ADAMTS12: variants seen among roughly 807,000 people sequenced by gnomAD.
The protein encoded by ADAMTS12 is ADAM metallopeptidase with thrombospondin type 1 motif 12.
In ADAMTS12, 118 loss-of-function variants were observed where a neutral mutation model predicts 167.8. That is an observed-to-expected ratio of 0.70 (90% confidence interval 0.61 to 0.82). The LOEUF is 0.82. ADAMTS12 is among the 40% of genes least tolerant of loss of function. The pLI is 0.00. For missense variants in ADAMTS12, 1,916 were observed against 1,998.8 expected (o/e 0.96, Z 0.79); for synonymous variants, 704 against 716.9 (o/e 0.98, Z 0.29).
intron 21 of ADAMTS12, among the ~76,000 whole-genome samples, chr5:33,548,702 G>GCACACACACA (rs55980424): frequency 0.059 from 8,850 of 148,916 alleles, 366 homozygotes; most frequent in Middle Eastern, 0.11. Context: ...CATAAAGAGA[G>GCACACACACA]CACACACACA....
intron 8 of ADAMTS12, 120 bp from the exon 9 acceptor site, chr5:33,649,086 T>C: frequency 3.2e-6 from 4 of 1,258,802 alleles, no homozygotes; most frequent in Admixed American, 5.3e-5. Flanking sequence ...CTTTATTTTT[T>C]ACAAGGCAGA....
chr5:33,884,071 G>A (rs1750554575), intron 1 of ADAMTS12, among the ~76,000 whole-genome samples: 1 of 152,186 alleles, frequency 6.6e-6, no homozygotes, highest in African/African-American at 2.4e-5. Flanking sequence ...TATAGTAACG[G>A]TGTCATCTAG....
At chr5:33,833,361 C>T (rs1365628039) in intron 2 of ADAMTS12, among the ~76,000 whole-genome samples, 1 of 152,186 alleles carries the variant, frequency 6.6e-6, no homozygotes, top group Non-Finnish European at 1.5e-5. Flanking sequence ...CAAGGAAACA[C>T]GAGGTCATAA....
chr5:33,785,382 A>G (rs1026366321), intron 2 of ADAMTS12, among the ~76,000 whole-genome samples: 1 of 152,162 alleles, frequency 6.6e-6, no homozygotes, highest in Non-Finnish European at 1.5e-5. Flanking sequence ...GAAAAGATAT[A>G]ATGCAGACAG....
chr5:33,855,286 C>T (rs1242315153), intron 2 of ADAMTS12, among the ~76,000 whole-genome samples: 1 of 152,218 alleles, frequency 6.6e-6, no homozygotes, highest in Admixed American at 6.5e-5. Context: ...TTAAATGTCA[C>T]TAATCCTCAT....
At position 33,648,916 on chromosome 5, in the gene ADAMTS12, T is replaced by G; in HGVS notation, c.1385A>C (p.Lys462Thr). The change falls in exon 9 of 24, where the codon AAG becomes ACG. Residue 462 changes from lysine (K) to threonine (T), a missense_variant. Coordinates refer to ENST00000504830, the MANE Select transcript of ADAMTS12 (RefSeq NM_030955.4). ...LDDIPKKKGL[K>T]SKVIAPGVIY... The stretch of plus-strand genomic sequence containing the variant: ...CACTCCGGGGGCAATGACCTTGGAC[T>G]TCAAGCCTTTCTTTTTAGGTATGTC... 1 of 1,614,068 alleles carries G rather than the reference T, an allele frequency of 6.2e-7. No homozygotes were observed. Among genetic ancestry groups the G allele is most frequent in the South Asian group, 1.1e-5 (1 of 91,066 alleles).
chr5:33,591,805 T>C lies in ADAMTS12; in HGVS notation c.2655-2996A>G, dbSNP rs924026787. 3.3e-5 allele frequency among the ~76,000 whole-genome samples: 5 copies of C among 152,154 alleles called. No homozygotes were observed. In the East Asian group the frequency reaches 9.6e-4, roughly 29 times the overall value. Reference sequence around the variant, plus strand: ...GAATGTCTGAAGACATTTTTCGTCGTCACAAATCAGTGGTGACAGGGAAAG... The same window carrying C: ...GAATGTCTGAAGACATTTTTCGTCGCCACAAATCAGTGGTGACAGGGAAAG... On this transcript the variant is annotated intron_variant, in intron 17 of 23. Coordinates refer to ENST00000504830, the MANE Select transcript of ADAMTS12 (RefSeq NM_030955.4).
At chr5:33,739,145 C>T (rs1744475063) in intron 3 of ADAMTS12, among the ~76,000 whole-genome samples, 1 of 152,134 alleles carries the variant, frequency 6.6e-6, no homozygotes, top group Admixed American at 6.5e-5. Context: ...TCCATAAATC[C>T]CTGAGTCATC....
intron 19 of ADAMTS12, among the ~76,000 whole-genome samples, chr5:33,564,679 T>C (rs964916939): frequency 3.3e-5 from 5 of 152,158 alleles, no homozygotes; most frequent in South Asian, 2.1e-4. Flanking sequence ...TTGGGCACCA[T>C]TGGCATTTGG....
At chr5:33,850,041 G>A (rs1019060515) in intron 2 of ADAMTS12, among the ~76,000 whole-genome samples, 4 of 152,012 alleles carry the variant, frequency 2.6e-5, no homozygotes, top group African/African-American at 7.2e-5. Context: ...CCTGCTAAAC[G>A]TATTATAAAA....
At chr5:33,861,117 G>T (rs1260668541) in intron 2 of ADAMTS12, among the ~76,000 whole-genome samples, 2 of 152,112 alleles carry the variant, frequency 1.3e-5, no homozygotes, top group African/African-American at 4.8e-5. Context: ...TGAAGAAACT[G>T]CATCAACTAA....
At chr5:33,551,543 AG>A (rs1745254311) in intron 20 of ADAMTS12, among the ~76,000 whole-genome samples, 1 of 152,254 alleles carries the variant, frequency 6.6e-6, no homozygotes, top group Non-Finnish European at 1.5e-5. Context: ...TCCAGGAAAT[AG>A]CCCATAGTTA....
intron 3 of ADAMTS12, among the ~76,000 whole-genome samples, chr5:33,720,222 T>C (rs1743758855): frequency 6.6e-6 from 1 of 151,916 alleles, no homozygotes; most frequent in Non-Finnish European, 1.5e-5. Context: ...TTGGCATCAA[T>C]GTATTAAGTT....
Position 33,602,017 on chromosome 5 carries a change from T to G in ADAMTS12, c.2528-5957A>C, listed in dbSNP as rs557735589. On this transcript the variant is annotated intron_variant, in intron 16 of 23. Transcript: ENST00000504830. ...TTCTGTGTCCAAGTCAGGGACCTCA[T>G]TCACTTAAAGAAAATCAGAGGCCTA... Among the ~76,000 whole-genome samples, 4 of 152,280 alleles carry G rather than the reference T, an allele frequency of 2.6e-5. No homozygotes were observed. In the East Asian group the frequency reaches 7.7e-4, roughly 29 times the overall value.
chr5:33,648,602 A>G (rs11949958), intron 9 of ADAMTS12, among the ~76,000 whole-genome samples: 85,954 of 152,014 alleles, frequency 0.57, 24,976 homozygotes, highest in East Asian at 0.67. Flanking sequence ...AACACCACCC[A>G]GTTGCAATGG....
chr5:33,859,060 AT>A (rs1267961197), intron 2 of ADAMTS12, among the ~76,000 whole-genome samples: 1 of 152,142 alleles, frequency 6.6e-6, no homozygotes, highest in Non-Finnish European at 1.5e-5. Context: ...AGGGCCCTGG[AT>A]TTCAAGCGCA....
At chr5:33,881,918 G>C (rs1176339589) in intron 1 of ADAMTS12, among the ~76,000 whole-genome samples, 1 of 151,942 alleles carries the variant, frequency 6.6e-6, no homozygotes, top group Non-Finnish European at 1.5e-5. Flanking sequence ...TTGAAGTTTA[G>C]AGATCCTTTC....
At chr5:33,813,217 A>G (rs1258045560) in intron 2 of ADAMTS12, among the ~76,000 whole-genome samples, 1 of 152,074 alleles carries the variant, frequency 6.6e-6, no homozygotes, top group African/African-American at 2.4e-5. Context: ...ATCCTCCCCA[A>G]TAGTTGTGCT....
At chr5:33,623,322 G>T (rs946140098) in intron 14 of ADAMTS12, among the ~76,000 whole-genome samples, 1 of 152,170 alleles carries the variant, frequency 6.6e-6, no homozygotes, top group Non-Finnish European at 1.5e-5. Context: ...GGAATCCAGA[G>T]AATTAACAGT....
Sources: gnomAD v4.1 joint callset for allele counts (sites outside exome capture counted in the v4.1 genomes callset) on GRCh38, gnomAD v4.1.1 for gene constraint, MANE v1.5 for transcripts, NCBI Gene and HGNC (gene_info 2026-07-23, HGNC 2026-07-21) for gene names.